SGCA: variants seen among roughly 807,000 people sequenced by gnomAD.
SGCA encodes the protein alpha-sarcoglycan.
Under a neutral mutation model 38.1 loss-of-function variants are expected in SGCA, and 34 were observed. The observed-to-expected ratio is 0.89, with a 90% confidence interval of 0.68 to 1.19. The LOEUF is 1.19. SGCA is among the 50% of genes most tolerant of loss of function. The pLI, the probability that SGCA is intolerant of heterozygous loss-of-function variation, is 0.00. For missense variants in SGCA, 476 were observed against 524.9 expected (o/e 0.91, Z 0.91); for synonymous variants, 209 against 214.6 (o/e 0.97, Z 0.23).
At position 50,170,167 on chromosome 17, in the gene SGCA, G is replaced by T. The variant is rs934936899; in HGVS notation, c.772G>T (p.Ala258Ser). ...TLVDKSVPEP[A>S]DEVPTPGDGI... ...GGTGGATAAGTCAGTGCCGGAGCCT[G>T]CAGATGAGGTGCCCACCCCAGGTGA... is the stretch of plus-strand genomic sequence containing the variant. Residue 258 changes from alanine to serine, a missense_variant, in exon 7 of 10, where the codon GCA (alanine) becomes TCA (serine). Transcript: ENST00000262018. The T allele has an allele frequency of 1.2e-6, 2 of 1,614,174 alleles. No homozygotes were observed. Among genetic ancestry groups the T allele is most frequent in the East Asian group, 2.2e-5 (1 of 44,884 alleles).
intron 1 of SGCA, among the ~76,000 whole-genome samples, chr17:50,166,900 G>T (rs1156386770): frequency 8.1e-5 from 1 of 12,270 alleles, no homozygotes; most frequent in Non-Finnish European, 1.4e-4. Flanking sequence ...CACACCCCCC[G>T]CAAACACACA....
rs564450242 is a variant in SGCA, at chr17:50,173,737, C to T, written c.984-1520C>T. 5.9e-5 allele frequency among the ~76,000 whole-genome samples: 9 copies of T among 152,278 alleles called. No homozygotes were observed. In the South Asian group the frequency reaches 1.2e-3, roughly 21 times the overall value. The stretch of plus-strand genomic sequence containing the variant: ...TGGGAATAGAAAATTGGGTTTCGGA[C>T]AACTCAGCTCACTGAATTCCAGACT... On this transcript the variant is annotated intron_variant, in intron 8 of 9. Coordinates refer to ENST00000262018, the MANE Select transcript of SGCA (RefSeq NM_000023.4).
At position 50,166,068 on chromosome 17, in the gene SGCA, C is replaced by T. The variant is rs1904771955; in HGVS notation, c.28C>T (p.Leu10Phe). 1.4e-5 allele frequency: 22 copies of T among 1,613,572 alleles called. No individual in the cohort carries two copies. The highest frequency in any genetic ancestry group is 1.9e-5 in the Non-Finnish European group (22 of 1,179,608). Reference protein sequence around the residue: MAETLFWTPLLVVLLAGLGD... With the variant: MAETLFWTPFLVVLLAGLGD... ...GGCTGAGACACTCTTCTGGACTCCT[C>T]TCCTCGTGGGCAAGTTGGGGCCTTG... is the stretch of plus-strand genomic sequence containing the variant. Residue 10 changes from leucine to phenylalanine, a missense_variant, in exon 1 of 10, where the codon CTC becomes TTC. By Grantham distance (22) the Leu-to-Phe change is conservative (BLOSUM62 0). Coordinates refer to ENST00000262018, the MANE Select transcript of SGCA (RefSeq NM_000023.4).
chr17:50,172,316 C>T (rs1485903820), intron 8 of SGCA: 1 of 453,474 alleles, frequency 2.2e-6, no homozygotes, highest in South Asian at 1.5e-5. Context: ...TCACAGTGGC[C>T]CCATTGTTTC....
rs1405001574 is a variant in SGCA at position 50,167,090 on chromosome 17, C to T, written c.38-278C>T. ...ACACACACACTTCCCAGTCAAACAT[C>T]AGTCCCTGCCCACTGCACCATTAAT... On this transcript the variant is annotated intron_variant, in intron 1 of 9. Transcript: ENST00000262018. This position sits in a 1 kb window ranked among gnomAD's most constrained non-coding sequence, Gnocchi z 4.5. Among the ~76,000 whole-genome samples the T allele has an allele frequency of 4.6e-5, 7 of 151,938 alleles. No homozygotes were observed. In the East Asian group the frequency reaches 1.3e-3, roughly 29 times the overall value.
At chr17:50,174,274 T>C (rs893983313) in intron 8 of SGCA, among the ~76,000 whole-genome samples, 2 of 152,274 alleles carry the variant, frequency 1.3e-5, no homozygotes, top group Middle Eastern at 3.4e-3. Context: ...TGAGCTACGA[T>C]TGTGCCACTG....
At chr17:50,169,660 T>C in intron 6 of SGCA, 2 of 323,684 alleles carry the variant, frequency 6.2e-6, no homozygotes, top group Admixed American at 4.6e-5. Flanking sequence ...AAGGATCTGA[T>C]AGCTCTTCAC....
At chr17:50,174,700 G>A (rs1175754969) in intron 8 of SGCA, among the ~76,000 whole-genome samples, 1 of 152,126 alleles carries the variant, frequency 6.6e-6, no homozygotes, top group African/African-American at 2.4e-5. Flanking sequence ...AAGGCATGGA[G>A]TGGTTAAGCA....
chr17:50,173,323 G>A (rs1038109597), intron 8 of SGCA, among the ~76,000 whole-genome samples: 1 of 152,186 alleles, frequency 6.6e-6, no homozygotes, highest in African/African-American at 2.4e-5. Context: ...CCTCTCCTGG[G>A]GATTTCTGTG....
chr17:50,169,445 A>ACACACC lies in SGCA; in HGVS notation c.747+192_747+193insACACCC, dbSNP rs369628436. On this transcript the variant is annotated intron_variant, in intron 6 of 9. Coordinates refer to ENST00000262018, the MANE Select transcript of SGCA (RefSeq NM_000023.4). The stretch of plus-strand genomic sequence containing the variant: ...CACACACACACACACACACACACAC[A>ACACACC]CCCCTGAAGTTCTACCTTTCCCCCA... 271 of 574,564 alleles carry ACACACC rather than the reference A, an allele frequency of 4.7e-4. 1 individual carries two copies. The highest frequency in any genetic ancestry group is 3.4e-3 in the African/African-American group (176 of 52,140). The allele number at this position is 574,564 out of a possible 1,614,324, so 35.6% of individuals were successfully genotyped here. A position where few individuals can be genotyped will look rare whatever the true frequency, so the allele number is the denominator to read the frequency against.
In SGCA at chr17:50,175,258, A is replaced by T. The variant is rs1271834515; in HGVS notation, c.985A>T (p.Ile329Phe). The change falls in exon 9 of 10, where the codon ATC (isoleucine) becomes TTC (phenylalanine). Residue 329 changes from isoleucine (I) to phenylalanine (F), a missense_variant and splice_region_variant. Physicochemically the swap from Ile to Phe is conservative, Grantham distance 21. Transcript: ENST00000262018. The part of the protein sequence containing the change: ...RLKRDLATSD[I>F]QMVHHCTIHG... ...ATGACTCCCCACCTGTGCCTCCAGC[A>T]TCCAGATGGTCCACCACTGCACCAT... 2 of 1,602,226 alleles carry T rather than the reference A, an allele frequency of 1.2e-6. No homozygotes were observed. Among genetic ancestry groups the T allele is most frequent in the African/African-American group, 2.7e-5 (2 of 74,832 alleles).
In SGCA at chr17:50,175,677, T is replaced by C. The variant is rs961953492; in HGVS notation, c.*13-35T>C. 3 of 675,448 alleles carry C rather than the reference T, an allele frequency of 4.4e-6. No homozygotes were observed. In the African/African-American group the frequency reaches 5.3e-5, roughly 12 times the overall value. The allele number at this position is 675,448 out of a possible 1,614,324, so 41.8% of individuals were successfully genotyped here. A position where few individuals can be genotyped will look rare whatever the true frequency, so the allele number is the denominator to read the frequency against. On this transcript the variant is annotated intron_variant, in intron 9 of 9. Transcript: ENST00000262018. ...TGGGGAAGTCAGGAGAACCAGCATC[T>C]GGCCCTCTCAGCCCTCCACTCTCTC...
intron 8 of SGCA, chr17:50,172,202 G>A (rs1905494588): frequency 6.6e-6 from 3 of 457,022 alleles, no homozygotes; most frequent in African/African-American, 2.0e-5. Flanking sequence ...AGAGGATCAA[G>A]GACGGTCACC....
At chr17:50,171,167 G>C (rs887619070) in intron 8 of SGCA, among the ~76,000 whole-genome samples, 14 of 152,224 alleles carry the variant, frequency 9.2e-5, no homozygotes, top group Admixed American at 9.2e-4. Flanking sequence ...ATCAGTATGA[G>C]TCAGACACCT....
At chr17:50,171,642 C>T (rs887854898) in intron 8 of SGCA, 7 of 456,860 alleles carry the variant, frequency 1.5e-5, no homozygotes, top group African/African-American at 1.4e-4. Flanking sequence ...GCTGTCGTTG[C>T]CTCTTGACCT....
Position 50,167,716 on chromosome 17 carries a change from C to A in SGCA, c.292C>A (p.Arg98Ser), listed in dbSNP as rs138945081. 1.9e-6 allele frequency: 3 copies of A among 1,611,858 alleles called. No individual in the cohort carries two copies. The highest frequency in any genetic ancestry group is 2.5e-6 in the Non-Finnish European group (3 of 1,178,462). Residue 98 changes from arginine to serine, a missense_variant, in exon 3 of 10, where the codon CGT becomes AGT. Physicochemically the swap from Arg to Ser is moderately radical, Grantham distance 110. Transcript: ENST00000262018. This position sits in a 1 kb window ranked among gnomAD's most constrained non-coding sequence, Gnocchi z 4.5. ...CTACGGCTCTGCCACCCCAGAAGAT[C>A]GTGGGCTCCAGGTCATTGAGGTGCC... ...FLYGSATPED[R>S]GLQVIEVTAY...
In SGCA at chr17:50,172,881, TTC is replaced by T. The variant is rs149793680; in HGVS notation, c.983+2217_983+2218del. On this transcript the variant is annotated intron_variant, in intron 8 of 9. Transcript: ENST00000262018. Reference sequence around the variant, plus strand: ...GCAGTTAAAAGGCTTTGCTTTTATTTTCTGTTTTCAATTTTATAGAATTTTTC... The same window carrying T: ...GCAGTTAAAAGGCTTTGCTTTTATTTTGTTTTCAATTTTATAGAATTTTTC... Among the ~76,000 whole-genome samples, 5 of 152,366 alleles carry T rather than the reference TTC, an allele frequency of 3.3e-5. No individual in the cohort carries two copies. In the East Asian group the frequency reaches 7.7e-4, roughly 23 times the overall value.
chr17:50,168,330 G>C (rs763704395), intron 4 of SGCA, 44 bp from the exon 5 acceptor site: 2 of 1,520,574 alleles, frequency 1.3e-6, no homozygotes, highest in East Asian at 4.9e-5. Context: ...GCGGGGCAGA[G>C]CTGGGGCTGG....
intron 8 of SGCA, 153 bp from the exon 9 acceptor site, chr17:50,175,104 G>C: frequency 1.3e-6 from 1 of 780,542 alleles, no homozygotes; most frequent in Non-Finnish European, 2.2e-6. Context: ...GCCCCATAGA[G>C]CTTTCTGTTT....
Sources: gnomAD v4.1 joint callset for allele counts (sites outside exome capture counted in the v4.1 genomes callset) on GRCh38, gnomAD v4.1.1 for gene constraint, Gnocchi (gnomAD v3.1) non-coding constraint, MANE v1.5 for transcripts, NCBI Gene and HGNC (gene_info 2026-07-23, HGNC 2026-07-21) for gene names.